The following CDC42BPG variants were observed in gnomAD, a reference collection of about 807,000 sequenced individuals.
CDC42BPG encodes serine/threonine-protein kinase MRCK gamma.
In CDC42BPG, 157 loss-of-function variants were observed where a neutral mutation model predicts 192.2. The observed-to-expected ratio is 0.82, with a 90% confidence interval of 0.72 to 0.93. CDC42BPG has a LOEUF of 0.93. CDC42BPG is among the 40% of genes least tolerant of loss of function. The probability of loss-of-function intolerance (pLI) is 0.00; values close to 1 mark genes in which losing one functional copy is unlikely to be tolerated. For synonymous variants in CDC42BPG, 981 were observed against 918.5 expected, an observed-to-expected ratio of 1.07 and a Z score of -1.23; for missense variants, 1,992 against 2,122.1, an observed-to-expected ratio of 0.94 and a Z score of 1.20.
In CDC42BPG at chr11:64,831,678, A is replaced by C. The variant is rs1942699512; in HGVS notation, c.3131T>G (p.Val1044Gly). The change falls in exon 28 of 37, where the codon GTG (valine) becomes GGG (glycine). Residue 1044 changes from valine (V) to glycine (G), a missense_variant. Physicochemically the swap from Val to Gly is moderately radical, Grantham distance 109. This residue lies in a region of CDC42BPG where 1,656 missense variants were observed against 1,844.3 expected (regional missense o/e 0.90). Coordinates refer to ENST00000342711, the MANE Select transcript of CDC42BPG (RefSeq NM_017525.3). ...CCCCTCGCTCTCTGCCAGCAGCAGC[A>C]CAGTGCACGTGGTGGGCGGCACTGC... ...QLAVPPTTCTVLLLAESEGER... is the reference protein window; with the variant it reads ...QLAVPPTTCTGLLLAESEGER... 6.2e-7 allele frequency: 1 copy of C among 1,608,388 alleles called. No homozygotes were observed. Among genetic ancestry groups the C allele is most frequent in the African/African-American group, 1.3e-5 (1 of 74,930 alleles).
rs770704871 is a variant in CDC42BPG at position 64,827,263 on chromosome 11, G to T, written c.4271+15C>A. Reference sequence around the variant, plus strand: ...GGCCCCACCCAGCCTCAGCCCCCGCGTCGTGCACGCGCACCTGCGCTGCTG... The same window carrying T: ...GGCCCCACCCAGCCTCAGCCCCCGCTTCGTGCACGCGCACCTGCGCTGCTG... On this transcript the variant is annotated intron_variant, in intron 33 of 36. Transcript: ENST00000342711. 6.2e-7 allele frequency: 1 copy of T among 1,613,396 alleles called. No homozygotes were observed. The highest frequency in any genetic ancestry group is 8.5e-7 in the Non-Finnish European group (1 of 1,179,722).
At chr11:64,837,990 C>G in intron 9 of CDC42BPG, 93 bp downstream of exon 9, 1 of 1,113,744 alleles carries the variant, frequency 9.0e-7, no homozygotes, top group Non-Finnish European at 1.3e-6. Flanking sequence ...CCCTTCTGCC[C>G]TCCTTCCCAG....
rs1444171263 is a variant in CDC42BPG, at chr11:64,839,075, A to G, written c.834T>C (p.Ala278=). ...TGCCGTAGGTTTCCACCAAGGACTC[A>G]GCATAGAAGGGCGTCTCCCCAAAGA... is the stretch of plus-strand genomic sequence containing the variant. ...ELLFGETPFY[A]ESLVETYGKI... is the part of the protein sequence containing the mutation. The change falls in exon 7 of 37, where the codon GCT becomes GCC. Residue 278 remains alanine, a synonymous_variant. Transcript: ENST00000342711. 1.2e-6 allele frequency: 2 copies of G among 1,613,562 alleles called. No homozygotes were observed. Among genetic ancestry groups the G allele is most frequent in the Non-Finnish European group, 8.5e-7 (1 of 1,180,048 alleles).
At chr11:64,829,099 G>A (rs919303769) in intron 30 of CDC42BPG, among the ~76,000 whole-genome samples, 1 of 152,070 alleles carries the variant, frequency 6.6e-6, no homozygotes, top group African/African-American at 2.4e-5. Flanking sequence ...ACACACCTGT[G>A]CCCCCAGTTA....
At chr11:64,844,371 C>A (rs1194241015) in intron 1 of CDC42BPG, 39 bp downstream of exon 1, 3 of 1,361,906 alleles carry the variant, frequency 2.2e-6, no homozygotes, top group South Asian at 1.7e-5. Context: ...GCGCGATATC[C>A]CTAGGCCCGC....
chr11:64,841,358 C>A (rs1447851098), intron 3 of CDC42BPG, among the ~76,000 whole-genome samples: 1 of 149,686 alleles, frequency 6.7e-6, no homozygotes, highest in South Asian at 2.1e-4. Context: ...GAGGCTGAGG[C>A]AGGAGAATTA....
chr11:64,835,373 G>T lies in CDC42BPG; in HGVS notation c.1927C>A (p.Arg643=). The change falls in exon 16 of 37, where the codon CGG becomes AGG. Residue 643 remains arginine, a synonymous_variant. Transcript: ENST00000342711. ...CGCTCCTGCTCCCGGCTCAGCCTCC[G>T]GTTTTCCTCCTGCAGCTGGCACAGA... ...EALCQLQEEN[R]RLSREQERLE... The T allele has an allele frequency of 6.2e-7, 1 of 1,613,912 alleles. No individual in the cohort carries two copies.
chr11:64,831,500 C>T lies in CDC42BPG; in HGVS notation c.3304+5G>A. The T allele has an allele frequency of 6.2e-7, 1 of 1,603,490 alleles. No individual in the cohort carries two copies. The highest frequency in any genetic ancestry group is 8.5e-7 in the Non-Finnish European group (1 of 1,173,070). ...TGCTTCCTCCAGTCCCCTCCACCAGCTCACCGAGGATGGCAGCGCAGAGCG... is the reference window on the plus strand; with the variant it reads ...TGCTTCCTCCAGTCCCCTCCACCAGTTCACCGAGGATGGCAGCGCAGAGCG... On this transcript the variant is annotated splice_donor_5th_base_variant and intron_variant, in intron 28 of 36. Transcript: ENST00000342711.
At position 64,827,566 on chromosome 11, in the gene CDC42BPG, C is replaced by G; in HGVS notation, c.4111G>C (p.Glu1371Gln). ...CTGAGGTAGGTCAGGCGGACCTTCT[C>G]GGTGCCGTAGAGGAACAGGGAGCCC... is the stretch of plus-strand genomic sequence containing the variant. ...PEGSLFLYGTEKVRLTYLRNQ... is the reference protein window; with the variant it reads ...PEGSLFLYGTQKVRLTYLRNQ... The change falls in exon 32 of 37, where the codon GAG becomes CAG. Residue 1371 changes from glutamate (E) to glutamine (Q), a missense_variant. Physicochemically the swap from Glu to Gln is conservative, Grantham distance 29. Transcript: ENST00000342711. 3 of 1,612,684 alleles carry G rather than the reference C, an allele frequency of 1.9e-6. No individual in the cohort carries two copies. The South Asian group carries it at 3.3e-5, about 18-fold the overall frequency.
intron 1 of CDC42BPG, among the ~76,000 whole-genome samples, chr11:64,842,850 CT>C (rs1208781933): frequency 6.6e-6 from 1 of 152,178 alleles, no homozygotes; most frequent in Non-Finnish European, 1.5e-5. Context: ...CAGTTTCCCC[CT>C]GCCAGGAGGT....
rs180899887 is a variant in CDC42BPG, at chr11:64,834,500, G to A, written c.2253C>T (p.Ala751=). 6.7e-5 allele frequency: 105 copies of A among 1,575,646 alleles called. No homozygotes were observed. The African/African-American group carries it at 1.2e-3, about 18-fold the overall frequency. Residue 751 remains alanine (A), a synonymous_variant, in exon 19 of 37, where the codon GCC becomes GCT. Transcript: ENST00000342711. ...GCAGGCCCTGCTTGGCGCGGATCTC[G>A]GCCTCCAGCGCTGACTGCAGCTCCA... ...ARLELQSALE[A]EIRAKQGLQE... is the part of the protein sequence containing the mutation.
At chr11:64,830,764 G>A (rs7940569) in intron 28 of CDC42BPG, among the ~76,000 whole-genome samples, 2 of 151,966 alleles carry the variant, frequency 1.3e-5, no homozygotes, top group Admixed American at 6.6e-5. Flanking sequence ...TTACAGAAGA[G>A]CCCTGCTGAG....
At position 64,833,989 on chromosome 11, in the gene CDC42BPG, G is replaced by C; in HGVS notation, c.2414-12C>G. 1 of 1,614,226 alleles carries C rather than the reference G, an allele frequency of 6.2e-7. No homozygotes were observed. Among genetic ancestry groups the C allele is most frequent in the South Asian group, 1.1e-5 (1 of 91,088 alleles). ...TGAGGGCTTGGTGTCTGCAAAGAAA[G>C]GGTGGGTCACTGGCCTGGGGTCCCT... is the stretch of plus-strand genomic sequence containing the variant. On this transcript the variant is annotated splice_polypyrimidine_tract_variant and intron_variant, in intron 20 of 36. Coordinates refer to ENST00000342711, the MANE Select transcript of CDC42BPG (RefSeq NM_017525.3).
At chr11:64,838,406 C>T (rs909747321) in intron 8 of CDC42BPG, among the ~76,000 whole-genome samples, 3 of 152,196 alleles carry the variant, frequency 2.0e-5, no homozygotes, top group Non-Finnish European at 4.4e-5. Context: ...CTTCCCTTGA[C>T]ACAGCCCACC....
intron 1 of CDC42BPG, among the ~76,000 whole-genome samples, chr11:64,843,581 C>A (rs1230199077): frequency 6.6e-6 from 1 of 152,186 alleles, no homozygotes; most frequent in Non-Finnish European, 1.5e-5. Context: ...CTCACCCCGC[C>A]CTGGCCAGGC....
Position 64,833,774 on chromosome 11 carries a change from A to C in CDC42BPG, c.2529T>G (p.Asp843Glu), listed in dbSNP as rs1271510603. The C allele has an allele frequency of 1.2e-6, 2 of 1,614,190 alleles. No homozygotes were observed. The highest frequency in any genetic ancestry group is 3.3e-5 in the Admixed American group (2 of 60,026). The change falls in exon 22 of 37, where the codon GAT becomes GAG. Residue 843 changes from aspartate (D) to glutamate (E), a missense_variant. Asp to Glu is a conservative substitution (Grantham distance 45). Coordinates refer to ENST00000342711, the MANE Select transcript of CDC42BPG (RefSeq NM_017525.3). ...GGCTGCGTCGGCCCTCCGGCCTCAG[A>C]TCTGGCTCTCCTCCATGCCTTGTGG... Reference protein sequence around the residue: ...GEATRHGGEPDLRPEGRRSLR... With the variant: ...GEATRHGGEPELRPEGRRSLR...
intron 18 of CDC42BPG, 123 bp downstream of exon 18, chr11:64,834,726 C>T (rs1366117462): frequency 1.2e-5 from 16 of 1,323,414 alleles, no homozygotes; most frequent in East Asian, 4.9e-5. Context: ...TCAGGGAAAT[C>T]ACTATCTCTC....
intron 17 of CDC42BPG, 42 bp from the exon 18 acceptor site, chr11:64,835,005 T>A (rs757400339): frequency 1.2e-6 from 2 of 1,611,642 alleles, no homozygotes; most frequent in Non-Finnish European, 1.7e-6. Flanking sequence ...GGGCCCTCAG[T>A]CTCGCCTGCG....
In CDC42BPG at chr11:64,834,462, G is replaced by T; in HGVS notation, c.2291C>A (p.Thr764Lys). 1 of 1,568,728 alleles carries T rather than the reference G, an allele frequency of 6.4e-7. No individual in the cohort carries two copies. The highest frequency in any genetic ancestry group is 8.6e-7 in the Non-Finnish European group (1 of 1,158,028). The change falls in exon 19 of 37, where the codon ACA becomes AAA. Residue 764 changes from threonine (T) to lysine (K), a missense_variant. Transcript: ENST00000342711. ...RAKQGLQERL[T>K]QVQEAQLQAE... The stretch of plus-strand genomic sequence containing the variant: ...CTGCAGCTGGGCCTCCTGCACCTGT[G>T]TCAGCCGCTCCTGCAGGCCCTGCTT...
Sources: gnomAD v4.1 joint callset for allele counts (sites outside exome capture counted in the v4.1 genomes callset) on GRCh38, gnomAD v4.1.1 for gene constraint, gnomAD v4.1.1 regional missense constraint, MANE v1.5 for transcripts, NCBI Gene and HGNC (gene_info 2026-07-23, HGNC 2026-07-21) for gene names.